PPARGC1A: variants seen among roughly 807,000 people sequenced by gnomAD.
PPARGC1A encodes the protein peroxisome proliferator-activated receptor gamma coactivator 1-alpha.
Under a neutral mutation model 88.7 loss-of-function variants are expected in PPARGC1A, and 25 were observed. The ratio of observed to expected loss-of-function variants is 0.28; its 90% CI spans 0.21 to 0.39. The LOEUF (loss-of-function observed/expected upper bound fraction) is 0.39, where lower values mean the gene tolerates loss of function less well. PPARGC1A is among the 10% of genes least tolerant of loss of function. PPARGC1A has a pLI of 1.00. For synonymous variants in PPARGC1A, 363 were observed against 355.6 expected, an observed-to-expected ratio of 1.02 and a Z score of -0.24; for missense variants, 880 against 968.7, an observed-to-expected ratio of 0.91 and a Z score of 1.22.
At chr4:24,190,139 C>T in the PPARGC1A span, among the ~76,000 whole-genome samples, 2 of 152,096 alleles carry the variant, frequency 1.3e-5, no homozygotes, top group African/African-American at 2.4e-5. Context: ...TGCTGCAATC[C>T]AGGCTTTGGT....
At chr4:23,865,961 A>G (rs957445912) in intron 2 of PPARGC1A, among the ~76,000 whole-genome samples, 2 of 150,814 alleles carry the variant, frequency 1.3e-5, no homozygotes, top group Non-Finnish European at 2.9e-5. Flanking sequence ...CTACACACAC[A>G]CACACACACG....
chr4:23,894,912 A>G (rs1289409108), upstream of PPARGC1A, among the ~76,000 whole-genome samples: 1 of 152,150 alleles, frequency 6.6e-6, no homozygotes, highest in Admixed American at 6.5e-5. Flanking sequence ...TAATTTATCT[A>G]TAATGCAGAC....
chr4:24,134,156 A>C, the PPARGC1A span, among the ~76,000 whole-genome samples: 5 of 152,190 alleles, frequency 3.3e-5, no homozygotes, highest in Non-Finnish European at 7.3e-5. Flanking sequence ...TCCTTCCGAT[A>C]CCTTTGCACC....
intron 10 of PPARGC1A, among the ~76,000 whole-genome samples, chr4:23,810,712 T>G: frequency 6.6e-6 from 1 of 152,226 alleles, no homozygotes; most frequent in East Asian, 1.9e-4. Flanking sequence ...CTATTAATCT[T>G]TCTCTTTAAT....
intron 1 of PPARGC1A, among the ~76,000 whole-genome samples, chr4:23,885,677 C>T (rs13129205): frequency 0.24 from 37,185 of 151,866 alleles, 6,258 homozygotes; most frequent in East Asian, 0.53. Context: ...TGTTTGCACA[C>T]GTATGTGTGT....
chr4:24,387,744 GAA>G, the PPARGC1A span, among the ~76,000 whole-genome samples: 2,267 of 62,640 alleles, frequency 0.036, 50 homozygotes, highest in Middle Eastern at 0.057. Context: ...AAGAAAGAAA[GAA>G]AGAGAGAGAG....
the PPARGC1A span, among the ~76,000 whole-genome samples, chr4:24,240,834 G>A: frequency 2.0e-5 from 3 of 152,018 alleles, no homozygotes; most frequent in Non-Finnish European, 4.4e-5. Context: ...TCTAAGTTGG[G>A]TACACCCTAG....
chr4:23,834,192 C>A (rs57866405), intron 2 of PPARGC1A, among the ~76,000 whole-genome samples: 1 of 151,956 alleles, frequency 6.6e-6, no homozygotes, highest in Non-Finnish European at 1.5e-5. Context: ...CCCAGCTACA[C>A]GGGAGGCTGA....
At chr4:24,416,198 G>A in the PPARGC1A span, among the ~76,000 whole-genome samples, 1 of 152,144 alleles carries the variant, frequency 6.6e-6, no homozygotes, top group African/African-American at 2.4e-5. Flanking sequence ...CCAGACACAC[G>A]GAAGCACAAT....
the PPARGC1A span, among the ~76,000 whole-genome samples, chr4:24,397,810 A>G: frequency 5.1e-4 from 77 of 152,354 alleles, no homozygotes; most frequent in African/African-American, 1.7e-3. Flanking sequence ...ATAGTGCAAA[A>G]TATTTTGCTT....
the PPARGC1A span, among the ~76,000 whole-genome samples, chr4:24,065,106 C>T: frequency 6.6e-6 from 1 of 152,188 alleles, no homozygotes; most frequent in South Asian, 2.1e-4. Context: ...TATTCCTCCA[C>T]CTGATACCTC....
chr4:23,924,364 G>A, the PPARGC1A span, among the ~76,000 whole-genome samples: 108,551 of 152,092 alleles, frequency 0.71, 39,066 homozygotes, highest in African/African-American at 0.77. Context: ...GTGGTGCCTC[G>A]TGTCTGTAAT....
At chr4:24,022,161 T>C in the PPARGC1A span, among the ~76,000 whole-genome samples, 4 of 152,160 alleles carry the variant, frequency 2.6e-5, no homozygotes, top group African/African-American at 9.6e-5. Flanking sequence ...TCCTTGCTCC[T>C]TGGCACAGCA....
At chr4:24,272,696 TCTTTC>T in the PPARGC1A span, among the ~76,000 whole-genome samples, 1 of 152,202 alleles carries the variant, frequency 6.6e-6, no homozygotes, top group African/African-American at 2.4e-5. Flanking sequence ...TCATAAAGCG[TCTTTC>T]CTTTCTACAT....
chr4:24,262,314 G>A, the PPARGC1A span, among the ~76,000 whole-genome samples: 4 of 152,182 alleles, frequency 2.6e-5, no homozygotes, highest in South Asian at 2.1e-4. Context: ...TGGAGGTTCC[G>A]CAGAAGTGAA....
chr4:23,845,590 G>A (rs1728172981), intron 2 of PPARGC1A, among the ~76,000 whole-genome samples: 1 of 152,256 alleles, frequency 6.6e-6, no homozygotes, highest in Middle Eastern at 3.4e-3. Flanking sequence ...AGAGATCCAA[G>A]TGTGCTCCAT....
At chr4:24,030,681 C>T in the PPARGC1A span, among the ~76,000 whole-genome samples, 1 of 152,300 alleles carries the variant, frequency 6.6e-6, no homozygotes, top group East Asian at 1.9e-4. Context: ...CTTCCTTTCT[C>T]CAAGTGACCA....
At chr4:24,095,633 G>C in the PPARGC1A span, among the ~76,000 whole-genome samples, 1 of 152,158 alleles carries the variant, frequency 6.6e-6, no homozygotes, top group African/African-American at 2.4e-5. Flanking sequence ...ACCTAGGAGA[G>C]AGGCAGTGTC....
chr4:24,122,280 GA>G, the PPARGC1A span, among the ~76,000 whole-genome samples: 1 of 151,880 alleles, frequency 6.6e-6, no homozygotes, highest in Non-Finnish European at 1.5e-5. Context: ...GAAGTTTAGA[GA>G]AAAACTAAAA....
Sources: allele counts gnomAD v4.1 joint callset (sites outside exome capture counted in the v4.1 genomes callset), GRCh38; gene constraint gnomAD v4.1.1; transcripts MANE v1.5; gene names NCBI Gene and HGNC (gene_info 2026-07-23, HGNC 2026-07-21).